GPC3: variants seen among roughly 807,000 people sequenced by gnomAD.
The protein encoded by GPC3 is glypican-3.
A neutral mutation model predicts 34.4 loss-of-function variants in GPC3; 3 were observed. The ratio of observed to expected loss-of-function variants is 0.09; its 90% CI spans 0.04 to 0.23. GPC3 has a LOEUF of 0.23. Among genes scored for constraint, GPC3 ranks in the 10% least tolerant of loss-of-function variants. The probability of loss-of-function intolerance (pLI) is 1.00; values close to 1 mark genes in which losing one functional copy is unlikely to be tolerated. For missense variants in GPC3, 351 were observed against 445.6 expected (o/e 0.79, Z 1.91); for synonymous variants, 177 against 174.0 (o/e 1.02, Z -0.13).
intron 5 of GPC3, among the ~76,000 whole-genome samples, chrX:133,675,451 C>T (rs1252321715): frequency 9.0e-6 from 1 of 111,365 alleles, no homozygotes; most frequent in Non-Finnish European, 1.9e-5. Flanking sequence ...TTCCTCTTGC[C>T]AGCTGTGTTT....
At chrX:133,809,440 G>C (rs771062043) in intron 2 of GPC3, among the ~76,000 whole-genome samples, 7 of 111,381 alleles carry the variant, frequency 6.3e-5, no homozygotes, top group Non-Finnish European at 9.4e-5. Flanking sequence ...CAGTGAGAAA[G>C]AGCTAGAGAT....
chrX:133,538,731 C>T (rs781172045), intron 7 of GPC3, among the ~76,000 whole-genome samples: 5 of 102,317 alleles, frequency 4.9e-5, no homozygotes, highest in Admixed American at 2.1e-4. Context: ...TATAGTGGTG[C>T]GATCATGGCT....
At chrX:133,677,027 T>C (rs1178207131) in intron 5 of GPC3, among the ~76,000 whole-genome samples, 1 of 111,831 alleles carries the variant, frequency 8.9e-6, no homozygotes, top group Non-Finnish European at 1.9e-5. Flanking sequence ...TCAAATATTA[T>C]TGGGAGCAAC....
chrX:133,788,276 T>C (rs967731748), intron 2 of GPC3, among the ~76,000 whole-genome samples: 4 of 107,055 alleles, frequency 3.7e-5, no homozygotes, highest in Non-Finnish European at 5.8e-5. Context: ...ACTCTGCTCC[T>C]GGGCTCTAGG....
Position 133,950,542 on chromosome X carries a change from C to T in GPC3, c.337+2508G>A, listed in dbSNP as rs922746238. On this transcript the variant is annotated intron_variant, in intron 2 of 7. Coordinates refer to ENST00000370818, the MANE Select transcript of GPC3 (RefSeq NM_004484.4). ...AGAAAATAGCTAGCAAAAGCCGTCA[C>T]ATCAAATTTCACATGAGTGAAGTAC... Among the ~76,000 whole-genome samples, 5 of 112,123 alleles carry T rather than the reference C, an allele frequency of 4.5e-5. No individual in the cohort carries two copies. The South Asian group carries it at 1.1e-3, about 25-fold the overall frequency.
At chrX:133,932,096 A>G (rs908225706) in intron 2 of GPC3, among the ~76,000 whole-genome samples, 1 of 112,380 alleles carries the variant, frequency 8.9e-6, no homozygotes, top group Non-Finnish European at 1.9e-5. Flanking sequence ...TTATTAAAAC[A>G]GAAAGCTCAG....
chrX:133,638,837 GA>G (rs1206533309), intron 6 of GPC3, among the ~76,000 whole-genome samples: 6 of 103,852 alleles, frequency 5.8e-5, no homozygotes, highest in South Asian at 4.2e-4. Context: ...AAAAAAAAAA[GA>G]AAAAAATCGC....
intron 6 of GPC3, among the ~76,000 whole-genome samples, chrX:133,623,565 G>A (rs2070257532): frequency 1.8e-5 from 2 of 111,547 alleles, no homozygotes; most frequent in South Asian, 3.8e-4. Context: ...GACAAAGAAG[G>A]CCATTACATA....
intron 7 of GPC3, among the ~76,000 whole-genome samples, chrX:133,584,187 G>C (rs2069761165): frequency 8.9e-6 from 1 of 112,136 alleles, no homozygotes; most frequent in Non-Finnish European, 1.9e-5. Flanking sequence ...TTGAATATGG[G>C]ACCAAAGGAA....
intron 6 of GPC3, among the ~76,000 whole-genome samples, chrX:133,625,707 A>G (rs1049055082): frequency 1.8e-5 from 2 of 112,111 alleles, no homozygotes; most frequent in Non-Finnish European, 3.8e-5. Flanking sequence ...CATGGATAAG[A>G]AGAATCAATA....
intron 5 of GPC3, among the ~76,000 whole-genome samples, chrX:133,662,198 A>T (rs1276852428): frequency 1.8e-5 from 2 of 111,378 alleles, no homozygotes; most frequent in African/African-American, 6.5e-5. Context: ...GGGGAGGTTC[A>T]AGGTCATGAC....
At chrX:133,647,120 G>T (rs2070552612) in intron 6 of GPC3, among the ~76,000 whole-genome samples, 1 of 112,226 alleles carries the variant, frequency 8.9e-6, no homozygotes, top group African/African-American at 3.2e-5. Context: ...CTCTGTACCT[G>T]CCACTACATT....
At chrX:133,605,463 T>C (rs2070038994) in intron 6 of GPC3, among the ~76,000 whole-genome samples, 1 of 112,308 alleles carries the variant, frequency 8.9e-6, no homozygotes, top group South Asian at 3.7e-4. Context: ...CCCTGTTGCA[T>C]CCCCACTAGA....
intron 4 of GPC3, among the ~76,000 whole-genome samples, chrX:133,696,758 G>A (rs7049652): frequency 0.033 from 3,732 of 112,440 alleles, 68 homozygotes; most frequent in Middle Eastern, 0.078. Context: ...TGATTGAAGG[G>A]AATGTTCTTT....
rs182575676 is a variant in GPC3, at chrX:133,621,647, G to A, written c.1414-25048C>T. On this transcript the variant is annotated intron_variant, in intron 6 of 7. Transcript: ENST00000370818. ...TGAGGCTTGACTAGGTAAACAAAGCGGCCAGGAAGCTCAAACTGGGTGGAG... is the reference window on the plus strand; with the variant it reads ...TGAGGCTTGACTAGGTAAACAAAGCAGCCAGGAAGCTCAAACTGGGTGGAG... Among the ~76,000 whole-genome samples, 473 of 112,158 alleles carry A rather than the reference G, an allele frequency of 4.2e-3. 2 individuals are homozygous for A. The highest frequency in any genetic ancestry group is 0.014 in the African/African-American group (445 of 30,909).
At chrX:133,875,080 A>G (rs890344518) in intron 2 of GPC3, among the ~76,000 whole-genome samples, 1 of 112,054 alleles carries the variant, frequency 8.9e-6, no homozygotes, top group South Asian at 3.7e-4. Context: ...ACTTCCAAAC[A>G]TCTAGAAATG....
intron 2 of GPC3, among the ~76,000 whole-genome samples, chrX:133,831,467 A>C: frequency 8.9e-6 from 1 of 112,361 alleles, no homozygotes; most frequent in East Asian, 2.8e-4. Flanking sequence ...GTGGTGGCTC[A>C]CACCTGTAAT....
intron 6 of GPC3, among the ~76,000 whole-genome samples, chrX:133,655,476 CCACACA>C (rs758691994): frequency 1.7e-4 from 17 of 97,613 alleles, no homozygotes; most frequent in Admixed American, 4.4e-4. Flanking sequence ...CTTCACACAC[CCACACA>C]CACACACACA....
At chrX:133,875,321 G>C (rs1268575646) in intron 2 of GPC3, among the ~76,000 whole-genome samples, 1 of 111,686 alleles carries the variant, frequency 9.0e-6, no homozygotes, top group Non-Finnish European at 1.9e-5. Flanking sequence ...AAATTAATTT[G>C]AGATTTTGTT....
Sources: gnomAD v4.1 joint callset for allele counts (sites outside exome capture counted in the v4.1 genomes callset) on GRCh38, gnomAD v4.1.1 for gene constraint, MANE v1.5 for transcripts, NCBI Gene and HGNC (gene_info 2026-07-23, HGNC 2026-07-21) for gene names.